RARB: variants seen among roughly 807,000 people sequenced by gnomAD.
RARB encodes the protein HBV-activated protein.
Under a neutral mutation model 51.9 loss-of-function variants are expected in RARB, and 17 were observed. The ratio of observed to expected loss-of-function variants is 0.33; its 90% CI spans 0.22 to 0.49. The LOEUF is 0.49. Among genes scored for constraint, RARB ranks in the 20% least tolerant of loss-of-function variants. RARB has a pLI of 0.99. For synonymous variants in RARB, 215 were observed against 195.4 expected, an observed-to-expected ratio of 1.10 and a Z score of -0.84; for missense variants, 369 against 550.8, an observed-to-expected ratio of 0.67 and a Z score of 3.30.
intron 2 of RARB, among the ~76,000 whole-genome samples, chr3:24,866,138 C>T (rs543095085): frequency 3.9e-5 from 6 of 152,210 alleles, no homozygotes; most frequent in South Asian, 2.1e-4. Context: ...CCTAGGCTGA[C>T]GTTCAATTCC....
chr3:25,296,214 A>T (rs915912035), intron 5 of RARB, among the ~76,000 whole-genome samples: 1 of 152,152 alleles, frequency 6.6e-6, no homozygotes, highest in East Asian at 1.9e-4. Flanking sequence ...TTCCAGAAAC[A>T]AGGAAAGATC....
At chr3:25,526,295 C>G (rs1045561962) in intron 3 of RARB, among the ~76,000 whole-genome samples, 2 of 152,108 alleles carry the variant, frequency 1.3e-5, no homozygotes, top group African/African-American at 4.8e-5. Context: ...AAGAGGAAGC[C>G]AAAGGGTGGT....
At position 24,832,628 on chromosome 3, in the gene RARB, A is replaced by ATATATATATATATATATATATATATAT. The variant is rs1559366440; in HGVS notation, c.-459+3225_-459+3226insTATATATATATATATATATATATATAT. ...CTGTATTTAGAAAAAATTGAGTCCC[A>ATATATATATATATATATATATATATAT]ATATATATATATATATATATATAAT... On this transcript the variant is annotated intron_variant, in intron 1 of 11. Coordinates refer to the RARB transcript ENST00000383772. 3.5e-3 allele frequency among the ~76,000 whole-genome samples: 309 copies of ATATATATATATATATATATATATATAT among 88,370 alleles called. 10 individuals are homozygous for ATATATATATATATATATATATATATAT. Among genetic ancestry groups the ATATATATATATATATATATATATATAT allele is most frequent in the Middle Eastern group, 6.1e-3 (1 of 164 alleles). The allele number at this position is 88,370 out of a possible 152,430, so 58.0% of individuals were successfully genotyped here.
At chr3:25,224,904 A>T (rs1375353130) in intron 5 of RARB, among the ~76,000 whole-genome samples, 2 of 151,942 alleles carry the variant, frequency 1.3e-5, no homozygotes, top group African/African-American at 4.8e-5. Flanking sequence ...AGTGCCAGCC[A>T]CCTCTTATTA....
At chr3:24,850,419 C>A (rs181973497) in intron 1 of RARB, among the ~76,000 whole-genome samples, 1 of 152,282 alleles carries the variant, frequency 6.6e-6, no homozygotes, top group Non-Finnish European at 1.5e-5. Flanking sequence ...CAAAGCAAGT[C>A]ATATAGGCAA....
At chr3:25,399,485 A>C (rs1707207624) in intron 5 of RARB, among the ~76,000 whole-genome samples, 1 of 152,082 alleles carries the variant, frequency 6.6e-6, no homozygotes, top group African/African-American at 2.4e-5. Flanking sequence ...TATCTTATCC[A>C]CTTCATCCTT....
At chr3:25,448,237 AAAAGACCTG>A (rs1193906457) in intron 1 of RARB, among the ~76,000 whole-genome samples, 2 of 152,086 alleles carry the variant, frequency 1.3e-5, no homozygotes, top group Non-Finnish European at 2.9e-5. Flanking sequence ...GAATATCAAA[AAAAGACCTG>A]AACCTTGGGG....
intron 2 of RARB, among the ~76,000 whole-genome samples, chr3:25,014,023 A>C (rs562528831): frequency 6.6e-6 from 1 of 152,028 alleles, no homozygotes; most frequent in Non-Finnish European, 1.5e-5. Context: ...ATTTCCTCCA[A>C]CTTCAGTTCT....
intron 1 of RARB, among the ~76,000 whole-genome samples, chr3:24,842,079 A>G (rs1475289374): frequency 6.6e-6 from 1 of 152,128 alleles, no homozygotes; most frequent in Non-Finnish European, 1.5e-5. Context: ...TCGATTTTCT[A>G]TTGAGCAACA....
chr3:25,376,517 G>A (rs1864911), intron 5 of RARB, among the ~76,000 whole-genome samples: 122,064 of 152,140 alleles, frequency 0.8, 49,621 homozygotes, highest in East Asian at 0.99. Context: ...GAGACTCTAC[G>A]ATACACGTGC....
chr3:24,863,571 G>A lies in RARB; in HGVS notation c.-380+4819G>A, dbSNP rs564128424. On this transcript the variant is annotated intron_variant, in intron 2 of 11. Transcript: ENST00000383772. ...ATTAGGGGAAGGAAAGCATCAAGAA[G>A]TGAATGCCAAAATAGAAAACAGGGA... Among the ~76,000 whole-genome samples the A allele has an allele frequency of 5.9e-5, 9 of 152,234 alleles. No individual in the cohort carries two copies. The East Asian group carries it at 1.7e-3, about 29-fold the overall frequency.
chr3:25,278,722 T>A (rs913980630), intron 5 of RARB, among the ~76,000 whole-genome samples: 1 of 152,134 alleles, frequency 6.6e-6, no homozygotes, highest in Non-Finnish European at 1.5e-5. Context: ...CAAGGCAAAT[T>A]TGCATGTGTA....
At chr3:25,143,176 C>G (rs1170689758) in intron 4 of RARB, among the ~76,000 whole-genome samples, 1 of 152,142 alleles carries the variant, frequency 6.6e-6, no homozygotes, top group Non-Finnish European at 1.5e-5. Flanking sequence ...ACTCCCAACT[C>G]ACCTAGCAGT....
intron 5 of RARB, among the ~76,000 whole-genome samples, chr3:25,218,913 C>A (rs1028320375): frequency 1.3e-5 from 2 of 152,160 alleles, no homozygotes; most frequent in Non-Finnish European, 1.5e-5. Context: ...TATCTCAGAG[C>A]AGTGTGAGTT....
chr3:24,896,811 C>CCTACAATGGAAAAATAGATCT (rs1426033618), intron 2 of RARB, among the ~76,000 whole-genome samples: 9 of 152,140 alleles, frequency 5.9e-5, no homozygotes, highest in African/African-American at 1.9e-4. Context: ...AGTATAGTCT[C>CCTACAATGGAAAAATAGATCT]CTACAATGGA....
intron 5 of RARB, among the ~76,000 whole-genome samples, chr3:25,253,739 A>G (rs544114146): frequency 6.6e-6 from 1 of 152,320 alleles, no homozygotes; most frequent in East Asian, 1.9e-4. Flanking sequence ...TCATTTGTAT[A>G]TGAGTTATCA....
intron 5 of RARB, among the ~76,000 whole-genome samples, chr3:25,378,148 G>A (rs1706519723): frequency 1.3e-5 from 2 of 152,124 alleles, no homozygotes. Flanking sequence ...CTTATTTGAA[G>A]TTGCAAAATC....
chr3:25,418,484 T>C (rs1419915761), intron 5 of RARB, among the ~76,000 whole-genome samples: 1 of 152,146 alleles, frequency 6.6e-6, no homozygotes, highest in Non-Finnish European at 1.5e-5. Context: ...AGAAGGATTA[T>C]GAATTTACCT....
chr3:25,005,594 C>T (rs1218536110), intron 2 of RARB, among the ~76,000 whole-genome samples: 1 of 152,138 alleles, frequency 6.6e-6, no homozygotes, highest in Non-Finnish European at 1.5e-5. Context: ...ATGGAAGCCA[C>T]AATATTGTTT....
Sources: gnomAD v4.1 joint callset for allele counts (sites outside exome capture counted in the v4.1 genomes callset) on GRCh38, gnomAD v4.1.1 for gene constraint, MANE v1.5 for transcripts, NCBI Gene and HGNC (gene_info 2026-07-23, HGNC 2026-07-21) for gene names.